FAM13B: variants seen among roughly 807,000 people sequenced by gnomAD.
The protein encoded by FAM13B is protein FAM13B.
Under a neutral mutation model 117.3 loss-of-function variants are expected in FAM13B, and 60 were observed. That is an observed-to-expected ratio of 0.51 (90% CI 0.42 to 0.63). The LOEUF (loss-of-function observed/expected upper bound fraction) is 0.63, where lower values mean the gene tolerates loss of function less well. FAM13B is among the 30% of genes least tolerant of loss of function. The pLI, the probability that FAM13B is intolerant of heterozygous loss-of-function variation, is 0.00. For missense variants in FAM13B, 972 were observed against 1,091.9 expected, an observed-to-expected ratio of 0.89 and a Z score of 1.55; for synonymous variants, 332 against 356.1, an observed-to-expected ratio of 0.93 and a Z score of 0.76.
chr5:137,954,505 T>TACAC (rs111423475), intron 14 of FAM13B, 129 bp from the exon 15 acceptor site: 6,740 of 414,090 alleles, frequency 0.016, 38 homozygotes, highest in Non-Finnish European at 0.02. Context: ...CATACACACA[T>TACAC]ACACACACAC....
At chr5:137,979,742 C>A (rs908049619) in intron 10 of FAM13B, among the ~76,000 whole-genome samples, 2 of 152,170 alleles carry the variant, frequency 1.3e-5, no homozygotes, top group African/African-American at 4.8e-5. Context: ...CATTCCAAGA[C>A]CTTCCATAAC....
chr5:137,944,176 T>A (rs987682455), intron 20 of FAM13B, among the ~76,000 whole-genome samples: 2 of 152,220 alleles, frequency 1.3e-5, no homozygotes, highest in Admixed American at 6.5e-5. Flanking sequence ...GGTTCACCCA[T>A]GTTGTGGCAT....
chr5:137,959,104 C>CA (rs1257178622), intron 13 of FAM13B, among the ~76,000 whole-genome samples: 1 of 152,124 alleles, frequency 6.6e-6, no homozygotes, highest in Admixed American at 6.6e-5. Flanking sequence ...CTCCTTTGTG[C>CA]AAATTTTTAG....
At chr5:137,961,755 C>G (rs920898161) in intron 11 of FAM13B, among the ~76,000 whole-genome samples, 1 of 152,164 alleles carries the variant, frequency 6.6e-6, no homozygotes, top group Non-Finnish European at 1.5e-5. Flanking sequence ...AATCACCTTC[C>G]TAAGAAAGTT....
In FAM13B at chr5:137,939,886, AC is replaced by A; in HGVS notation, c.*338del. Reference sequence around the variant, plus strand: ...AATGAGAAACAAAAAGTTGGTAATAACAAAAAGCTTGCATTTCCAAAGTTCT... The same window carrying A: ...AATGAGAAACAAAAAGTTGGTAATAAAAAAAGCTTGCATTTCCAAAGTTCT... On this transcript the variant is annotated 3_prime_UTR_variant, in exon 24 of 24. Transcript: ENST00000689681. 7.4e-7 allele frequency: 1 copy of A among 1,343,118 alleles called. No homozygotes were observed. Among genetic ancestry groups the A allele is most frequent in the Non-Finnish European group, 9.5e-7 (1 of 1,050,052 alleles). The allele number at this position is 1,343,118 out of a possible 1,614,324, so 83.2% of individuals were successfully genotyped here.
At chr5:137,966,825 C>T (rs1033733458) in intron 10 of FAM13B, among the ~76,000 whole-genome samples, 1 of 152,088 alleles carries the variant, frequency 6.6e-6, no homozygotes, top group Non-Finnish European at 1.5e-5. Context: ...ACTTTTATTA[C>T]AAATGTATCC....
At chr5:137,957,890 A>G (rs972611214) in intron 13 of FAM13B, among the ~76,000 whole-genome samples, 2 of 152,226 alleles carry the variant, frequency 1.3e-5, no homozygotes, top group African/African-American at 2.4e-5. Flanking sequence ...AAGACAGTCC[A>G]GTATCAGGTT....
chr5:138,016,042 T>G (rs1296151455), intron 4 of FAM13B, among the ~76,000 whole-genome samples: 1 of 152,246 alleles, frequency 6.6e-6, no homozygotes, highest in African/African-American at 2.4e-5. Context: ...TTTTTGCATA[T>G]CTTAAATTCC....
rs771876325 is a variant in FAM13B at position 137,954,219 on chromosome 5, G to A, written c.1665C>T (p.Phe555=). 3 of 1,613,998 alleles carry A rather than the reference G, an allele frequency of 1.9e-6. No individual in the cohort carries two copies. Among genetic ancestry groups the A allele is most frequent in the Non-Finnish European group, 2.5e-6 (3 of 1,180,016 alleles). ...AATCCAACTTTTCTGGATCATGTAGGAAACGCTGGCTTTGACCAAAATCTA... is the reference window on the plus strand; with the variant it reads ...AATCCAACTTTTCTGGATCATGTAGAAAACGCTGGCTTTGACCAAAATCTA... The part of the protein sequence containing the change: ...RSLDFGQSQR[F]LHDPEKLDSS... The change falls in exon 15 of 24, where the codon TTC becomes TTT. Residue 555 remains phenylalanine, a synonymous_variant. Coordinates refer to ENST00000689681, the MANE Select transcript of FAM13B (RefSeq NM_001385994.1).
chr5:137,962,501 G>C (rs1768418355), intron 10 of FAM13B, 32 bp from the exon 11 acceptor site: 1 of 1,591,358 alleles, frequency 6.3e-7, no homozygotes, highest in African/African-American at 1.3e-5. Flanking sequence ...TGTATTAATG[G>C]AGCTCCCAAT....
In FAM13B at chr5:137,961,768, A is replaced by G. The variant is rs1417785577; in HGVS notation, c.1244+637T>C. On this transcript the variant is annotated intron_variant, in intron 11 of 23. Coordinates refer to ENST00000689681, the MANE Select transcript of FAM13B (RefSeq NM_001385994.1). ...CAAATCACCTTCCTAAGAAAGTTAT[A>G]CTTTTTGGCAGCATCTTGAAGACTG... 2.0e-5 allele frequency among the ~76,000 whole-genome samples: 3 copies of G among 152,232 alleles called. No homozygotes were observed. The East Asian group carries it at 5.8e-4, about 29-fold the overall frequency.
chr5:137,945,282 A>G (rs1173795690), intron 20 of FAM13B, among the ~76,000 whole-genome samples: 1 of 152,206 alleles, frequency 6.6e-6, no homozygotes, highest in Non-Finnish European at 1.5e-5. Flanking sequence ...ACCCAAGACC[A>G]ATCTATCTAC....
chr5:138,025,567 AG>A lies in FAM13B; in HGVS notation c.-202-4371del, dbSNP rs1224172687. On this transcript the variant is annotated intron_variant, in intron 1 of 23. Transcript: ENST00000689681. ...CACCAGCTATCAACCTAAGTTCTAC[AG>A]GGACTCAAGGTACTTTTGCATTCCA... 5.3e-5 allele frequency among the ~76,000 whole-genome samples: 8 copies of A among 152,250 alleles called. 1 individual carries two copies. In the East Asian group the frequency reaches 1.5e-3, roughly 29 times the overall value.
In FAM13B at chr5:137,943,115, A is replaced by G; in HGVS notation, c.2424+18T>C. On this transcript the variant is annotated intron_variant, in intron 21 of 23. Coordinates refer to ENST00000689681, the MANE Select transcript of FAM13B (RefSeq NM_001385994.1). ...CCCTTAGGGAAGGGATCAGATAATTATTTCTTTAAAGGATTACCTTGATTT... is the reference window on the plus strand; with the variant it reads ...CCCTTAGGGAAGGGATCAGATAATTGTTTCTTTAAAGGATTACCTTGATTT... 1.2e-6 allele frequency: 2 copies of G among 1,613,236 alleles called. No homozygotes were observed. The highest frequency in any genetic ancestry group is 1.7e-6 in the Non-Finnish European group (2 of 1,179,372).
chr5:137,978,234 G>A (rs1322346844), intron 10 of FAM13B, among the ~76,000 whole-genome samples: 1 of 151,240 alleles, frequency 6.6e-6, no homozygotes, highest in East Asian at 1.9e-4. Flanking sequence ...TTCCGATGAA[G>A]AAACCCCCAG....
intron 10 of FAM13B, among the ~76,000 whole-genome samples, chr5:137,968,719 T>G (rs6888606): frequency 0.74 from 112,257 of 152,010 alleles, 42,098 homozygotes; most frequent in East Asian, 0.97. Flanking sequence ...CACTAGGGAG[T>G]GCCAGACAGT....
chr5:138,018,794 A>AT (rs1487763974), intron 3 of FAM13B, among the ~76,000 whole-genome samples, 161 bp downstream of exon 3: 1 of 152,172 alleles, frequency 6.6e-6, no homozygotes, highest in African/African-American at 2.4e-5. Flanking sequence ...AAGTATATGA[A>AT]TTTAAGTAAA....
chr5:137,999,446 C>T (rs189986986), intron 7 of FAM13B, among the ~76,000 whole-genome samples: 39 of 151,918 alleles, frequency 2.6e-4, no homozygotes, highest in African/African-American at 8.0e-4. Flanking sequence ...TGTGGTGGCA[C>T]GCACCTGTAG....
chr5:138,002,197 A>G (rs913037665), intron 7 of FAM13B, among the ~76,000 whole-genome samples: 16 of 152,214 alleles, frequency 1.1e-4, no homozygotes, highest in African/African-American at 3.4e-4. Flanking sequence ...AAACAAGAAT[A>G]AAAAGCTTAA....
Sources: allele counts gnomAD v4.1 joint callset (sites outside exome capture counted in the v4.1 genomes callset), GRCh38; gene constraint gnomAD v4.1.1; transcripts MANE v1.5; gene names NCBI Gene and HGNC (gene_info 2026-07-23, HGNC 2026-07-21).